SLC25A36: variants seen among roughly 807,000 people sequenced by gnomAD.
SLC25A36 encodes the protein epididymis secretory sperm binding protein.
Under a neutral mutation model 35.3 loss-of-function variants are expected in SLC25A36, and 24 were observed. That is an observed-to-expected ratio of 0.68 (90% CI 0.49 to 0.96). The LOEUF is 0.96. Among genes scored for constraint, SLC25A36 ranks in the 40% least tolerant of loss-of-function variants. The pLI, the probability that SLC25A36 is intolerant of heterozygous loss-of-function variation, is 0.00. For synonymous variants in SLC25A36, 141 were observed against 132.2 expected (o/e 1.07, Z -0.46); for missense variants, 294 against 381.1 (o/e 0.77, Z 1.90).
In SLC25A36 at chr3:140,979,086, A is replaced by G. The variant is rs1935125118; in HGVS notation, c.*2633A>G. 6.6e-6 allele frequency: 1 copy of G among 152,022 alleles called. No homozygotes were observed. The highest frequency in any genetic ancestry group is 6.6e-5 in the Admixed American group (1 of 15,258). The allele number at this position is 152,022 out of a possible 1,614,324, so 9.4% of individuals were successfully genotyped here. A position where few individuals can be genotyped will look rare whatever the true frequency, so the allele number is the denominator to read the frequency against. On this transcript the variant is annotated 3_prime_UTR_variant, in exon 7 of 7. Coordinates refer to ENST00000324194, the MANE Select transcript of SLC25A36 (RefSeq NM_001104647.3). ...ACCATGCAGTGGTTTTAATCCCAGGAAAAAAACTATCACCAAAAGTTCGTT... is the reference window on the plus strand; with the variant it reads ...ACCATGCAGTGGTTTTAATCCCAGGGAAAAAACTATCACCAAAAGTTCGTT...
At chr3:140,943,383 A>G (rs113893698) in intron 1 of SLC25A36, among the ~76,000 whole-genome samples, 5 of 152,218 alleles carry the variant, frequency 3.3e-5, no homozygotes, top group Admixed American at 6.5e-5. Flanking sequence ...TTGTACACCA[A>G]TTATGGGCCG....
At chr3:140,956,717 T>C in intron 2 of SLC25A36, 26 bp downstream of exon 2, 1 of 1,554,956 alleles carries the variant, frequency 6.4e-7, no homozygotes, top group Non-Finnish European at 8.7e-7. Context: ...TCAGGAGTGT[T>C]TTTTAGTTTG....
chr3:140,953,911 A>G (rs975525887), intron 1 of SLC25A36, among the ~76,000 whole-genome samples: 1 of 152,240 alleles, frequency 6.6e-6, no homozygotes, highest in African/African-American at 2.4e-5. Flanking sequence ...TCAAGGCTAC[A>G]GTGAGCTATG....
intron 4 of SLC25A36, among the ~76,000 whole-genome samples, chr3:140,969,729 G>A (rs1402655875): frequency 6.6e-6 from 1 of 151,766 alleles, no homozygotes; most frequent in African/African-American, 2.4e-5. Flanking sequence ...GCCAAGAAAG[G>A]TTTATGATTG....
intron 4 of SLC25A36, among the ~76,000 whole-genome samples, chr3:140,969,727 A>C (rs889976918): frequency 2.0e-5 from 3 of 151,904 alleles, no homozygotes; most frequent in Non-Finnish European, 4.4e-5. Flanking sequence ...AAGCCAAGAA[A>C]GGTTTATGAT....
At chr3:140,969,656 C>CCAAATT (rs1934851263) in intron 4 of SLC25A36, among the ~76,000 whole-genome samples, 1 of 151,748 alleles carries the variant, frequency 6.6e-6, no homozygotes, top group South Asian at 2.1e-4. Context: ...CCCTGTGAGA[C>CCAAATT]CAAATTCAGC....
intron 1 of SLC25A36, among the ~76,000 whole-genome samples, chr3:140,953,630 G>C (rs1244741205): frequency 6.6e-6 from 1 of 151,782 alleles, no homozygotes; most frequent in Non-Finnish European, 1.5e-5. Flanking sequence ...ATTGACTTTT[G>C]GCAGATGTAT....
chr3:140,968,171 AGATG>A, intron 4 of SLC25A36: 1 of 929,934 alleles, frequency 1.1e-6, no homozygotes, highest in South Asian at 5.0e-5. Context: ...TATATTTATT[AGATG>A]TAATTAGCCT....
intron 4 of SLC25A36, chr3:140,968,295 A>G (rs1480500411): frequency 2.5e-6 from 2 of 788,862 alleles, no homozygotes; most frequent in Admixed American, 6.3e-5. Context: ...AAAACTGTGG[A>G]TTGTGTCTAG....
intron 1 of SLC25A36, among the ~76,000 whole-genome samples, chr3:140,945,116 A>G (rs1385637377): frequency 1.3e-5 from 2 of 152,216 alleles, no homozygotes; most frequent in Non-Finnish European, 2.9e-5. Flanking sequence ...TAAAGCAGTA[A>G]CAGGTTTTTT....
intron 3 of SLC25A36, among the ~76,000 whole-genome samples, chr3:140,961,692 A>G (rs1934630415): frequency 6.6e-6 from 1 of 151,606 alleles, no homozygotes. Context: ...CATCTCTACT[A>G]AAAATATAAA....
In SLC25A36 at chr3:140,941,941, C is replaced by T. The variant is rs927137866; in HGVS notation, c.-114C>T. ...CTGCAGCCGCATCTCGGCCAGCTCT[C>T]CTCGCCGTCCCCGGGGCGCTGTGCG... is the stretch of plus-strand genomic sequence containing the variant. On this transcript the variant is annotated 5_prime_UTR_variant, in exon 1 of 7. Coordinates refer to ENST00000324194, the MANE Select transcript of SLC25A36 (RefSeq NM_001104647.3). 4 of 617,038 alleles carry T rather than the reference C, an allele frequency of 6.5e-6. No homozygotes were observed. Among genetic ancestry groups the T allele is most frequent in the African/African-American group, 5.9e-5 (3 of 51,198 alleles). The allele number at this position is 617,038 out of a possible 1,614,324, so 38.2% of individuals were successfully genotyped here.
intron 1 of SLC25A36, among the ~76,000 whole-genome samples, chr3:140,949,857 A>G (rs1934271210): frequency 6.6e-6 from 1 of 152,216 alleles, no homozygotes. Context: ...AAAGCATCCA[A>G]CCTTGAACTA....
chr3:140,956,711 G>C lies in SLC25A36; in HGVS notation c.206+20G>C. ...CCTAAAGTGAGAGCATAGTATTCAG[G>C]AGTGTTTTTTAGTTTGTTTGCGTTA... is the stretch of plus-strand genomic sequence containing the variant. On this transcript the variant is annotated intron_variant, in intron 2 of 6. Coordinates refer to ENST00000324194, the MANE Select transcript of SLC25A36 (RefSeq NM_001104647.3). 6.4e-7 allele frequency: 1 copy of C among 1,563,830 alleles called. No individual in the cohort carries two copies. Among genetic ancestry groups the C allele is most frequent in the Non-Finnish European group, 8.7e-7 (1 of 1,154,058 alleles).
rs1935061124 is a variant in SLC25A36, at chr3:140,976,812, T to C, written c.*359T>C. 1 of 161,570 alleles carries C rather than the reference T, an allele frequency of 6.2e-6. No individual in the cohort carries two copies. The highest frequency in any genetic ancestry group is 6.4e-5 in the Admixed American group (1 of 15,708). The allele number at this position is 161,570 out of a possible 1,614,324, so 10.0% of individuals were successfully genotyped here. On this transcript the variant is annotated 3_prime_UTR_variant, in exon 7 of 7. Transcript: ENST00000324194. ...ATACTGTATTGTAACTATCCAAAGA[T>C]AGTATTGGCAGTCATAAATTTATAA...
intron 2 of SLC25A36, among the ~76,000 whole-genome samples, chr3:140,958,562 G>T (rs936298488): frequency 6.6e-6 from 1 of 152,044 alleles, no homozygotes; most frequent in Admixed American, 6.6e-5. Flanking sequence ...GTATAGCAAC[G>T]GTTAACTGAG....
At chr3:140,976,128 A>T in intron 6 of SLC25A36, 132 bp from the exon 7 acceptor site, 1 of 596,578 alleles carries the variant, frequency 1.7e-6, no homozygotes, top group Non-Finnish European at 2.8e-6. Flanking sequence ...GGTTTCAATA[A>T]GCTACACATT....
intron 5 of SLC25A36, chr3:140,972,672 T>C (rs567190510): frequency 9.2e-5 from 14 of 152,074 alleles, no homozygotes; most frequent in African/African-American, 3.4e-4. Context: ...AGGGCTGATA[T>C]GTCACCTTTC....
chr3:140,965,310 A>G (rs1934732585), intron 4 of SLC25A36: 1 of 151,760 alleles, frequency 6.6e-6, no homozygotes, highest in Admixed American at 6.6e-5. Flanking sequence ...AGGTCTAAAT[A>G]TGAATGATTT....
Sources: gnomAD v4.1 joint callset for allele counts (sites outside exome capture counted in the v4.1 genomes callset) on GRCh38, gnomAD v4.1.1 for gene constraint, MANE v1.5 for transcripts, NCBI Gene and HGNC (gene_info 2026-07-23, HGNC 2026-07-21) for gene names.